CAPS2: variants seen among roughly 807,000 people sequenced by gnomAD.
The protein encoded by CAPS2 is calcyphosin-2.
A neutral mutation model predicts 86.5 loss-of-function variants in CAPS2; 98 were observed. That is an observed-to-expected ratio of 1.13 (90% confidence interval 0.96 to 1.34). The LOEUF is 1.34. CAPS2 is among the 40% of genes most tolerant of loss of function. CAPS2 has a pLI of 0.00. For synonymous variants in CAPS2, 210 were observed against 225.1 expected (o/e 0.93, Z 0.60); for missense variants, 729 against 686.8 (o/e 1.06, Z -0.69).
chr12:75,338,820 C>G (rs541298910), intron 1 of CAPS2, among the ~76,000 whole-genome samples: 27 of 137,312 alleles, frequency 2.0e-4, no homozygotes, highest in Admixed American at 1.2e-3. Context: ...TCTCATTGTT[C>G]AGCTCCCACT....
At chr12:75,326,451 A>G (rs1593559691) in exon 1 of CAPS2, 1 of 1,537,174 alleles carries the variant, frequency 6.5e-7, no homozygotes, top group Non-Finnish European at 8.8e-7. Context: ...AGAATGGCTG[A>G]ATTTGGCTCC....
At position 75,284,969 on chromosome 12, in the gene CAPS2, CAT is replaced by C; in HGVS notation, c.1505_1506del (p.Tyr502CysfsTer59). 1 of 1,600,378 alleles carries C rather than the reference CAT, an allele frequency of 6.2e-7. No individual in the cohort carries two copies. Among genetic ancestry groups the C allele is most frequent in the East Asian group, 2.3e-5 (1 of 44,194 alleles). On this transcript the variant is annotated frameshift_variant, in exon 15 of 17. Transcript: ENST00000393284. LOFTEE classifies it high-confidence loss of function. ...TTACTTAACAAAGTTACCTTTCGAA[CAT>C]ATGATTTCCTGTATTCATTCATTTC...
At chr12:75,366,771 G>T (rs992570665) in intron 1 of CAPS2, 1 of 665,234 alleles carries the variant, frequency 1.5e-6, no homozygotes, top group Non-Finnish European at 2.7e-6. Context: ...ACGCTCTTAT[G>T]TGTCTCAGTT....
chr12:75,305,469 G>C lies in CAPS2; in HGVS notation c.660-593C>G, dbSNP rs1287413362. The C allele has an allele frequency of 5.3e-6, 3 of 565,890 alleles. No individual in the cohort carries two copies. In the Admixed American group the frequency reaches 7.3e-5, roughly 14 times the overall value. 35.1% of individuals were successfully genotyped at this position (565,890 alleles called of 1,614,324 possible). A position where few individuals can be genotyped will look rare whatever the true frequency, so the allele number is the denominator to read the frequency against. ...ACCGGTTGGAACAAAGTAAGGATCT[G>C]AGCGACCCCAACTTTGCAGCCGAGG... On this transcript the variant is annotated intron_variant, in intron 7 of 16. Coordinates refer to ENST00000393284, the Ensembl canonical transcript of CAPS2.
chr12:75,278,355 T>G, exon 17 of CAPS2: 3 of 984,386 alleles, frequency 3.0e-6, no homozygotes, highest in Non-Finnish European at 3.6e-6. Context: ...ATAATCACAC[T>G]GCTTGAAAAA....
chr12:75,365,123 G>T (rs2043878882), intron 1 of CAPS2: 1 of 152,136 alleles, frequency 6.6e-6, no homozygotes, highest in African/African-American at 2.4e-5. Context: ...CCTGGGCCTA[G>T]AGGGAAGGTG....
chr12:75,299,788 T>C (rs2037502952), intron 9 of CAPS2, 49 bp downstream of exon 9: 2 of 882,364 alleles, frequency 2.3e-6, no homozygotes, highest in Admixed American at 4.7e-5. Context: ...AAAAAGAGAA[T>C]ACGTTTTTAT....
chr12:75,368,874 G>T (rs896806804), intron 1 of CAPS2, among the ~76,000 whole-genome samples: 1 of 151,632 alleles, frequency 6.6e-6, no homozygotes, highest in African/African-American at 2.4e-5. Context: ...CATCATTATG[G>T]GATATTTGGG....
intron 11 of CAPS2, among the ~76,000 whole-genome samples, chr12:75,296,504 G>A (rs2036911068): frequency 6.6e-6 from 1 of 152,154 alleles, no homozygotes; most frequent in African/African-American, 2.4e-5. Context: ...GTGTTAGCCA[G>A]GATGGTCTCA....
intron 1 of CAPS2, among the ~76,000 whole-genome samples, chr12:75,341,121 A>C (rs2042075159): frequency 6.6e-6 from 1 of 151,980 alleles, no homozygotes; most frequent in South Asian, 2.1e-4. Context: ...CTTTTTTCCT[A>C]GAAAAAGGAA....
At chr12:75,322,248 C>A (rs1298074444) in intron 4 of CAPS2, among the ~76,000 whole-genome samples, 1 of 151,986 alleles carries the variant, frequency 6.6e-6, no homozygotes, top group Non-Finnish European at 1.5e-5. Context: ...CATTTCCATG[C>A]GAGTGAGAGA....
intron 1 of CAPS2, chr12:75,370,258 C>T (rs549079556): frequency 2.1e-5 from 16 of 749,358 alleles, no homozygotes; most frequent in Middle Eastern, 2.7e-4. Flanking sequence ...CATCACTTTG[C>T]TTCTTTACTG....
At chr12:75,384,651 A>G (rs2045187860) in intron 1 of CAPS2, among the ~76,000 whole-genome samples, 1 of 152,218 alleles carries the variant, frequency 6.6e-6, no homozygotes, top group African/African-American at 2.4e-5. Context: ...AACTCATTCT[A>G]TGAGGCCAGC....
chr12:75,321,303 T>C, intron 5 of CAPS2, 97 bp downstream of exon 5: 1 of 739,490 alleles, frequency 1.4e-6, no homozygotes, highest in Non-Finnish European at 2.2e-6. Flanking sequence ...ATACTTATTA[T>C]GACTAATAGC....
intron 16 of CAPS2, among the ~76,000 whole-genome samples, chr12:75,279,491 AC>A (rs1183782460): frequency 6.6e-6 from 1 of 152,040 alleles, no homozygotes. Flanking sequence ...GCTTTAAATA[AC>A]AGGCTTAGAT....
At chr12:75,294,520 G>C (rs934408116) in intron 11 of CAPS2, among the ~76,000 whole-genome samples, 1 of 152,172 alleles carries the variant, frequency 6.6e-6, no homozygotes, top group Non-Finnish European at 1.5e-5. Flanking sequence ...CAGTTTCTGT[G>C]AGAGGGTGGG....
chr12:75,364,443 C>A (rs971071513), intron 1 of CAPS2, among the ~76,000 whole-genome samples: 2 of 152,220 alleles, frequency 1.3e-5, no homozygotes, highest in Non-Finnish European at 2.9e-5. Context: ...TGGCTGCCTG[C>A]CCCAGGTTCA....
At chr12:75,377,639 C>T (rs1485984767) in intron 1 of CAPS2, among the ~76,000 whole-genome samples, 6 of 152,090 alleles carry the variant, frequency 3.9e-5, no homozygotes, top group Non-Finnish European at 8.8e-5. Context: ...TCGGCTCATT[C>T]CACCTTCTCC....
intron 1 of CAPS2, among the ~76,000 whole-genome samples, chr12:75,390,614 A>G (rs1203650081): frequency 6.6e-6 from 1 of 152,246 alleles, no homozygotes; most frequent in African/African-American, 2.4e-5. Flanking sequence ...CCAAATTTCC[A>G]ACTCAACAGG....
Sources: allele counts gnomAD v4.1 joint callset (sites outside exome capture counted in the v4.1 genomes callset), GRCh38; gene constraint gnomAD v4.1.1; transcripts MANE v1.5; gene names NCBI Gene and HGNC (gene_info 2026-07-23, HGNC 2026-07-21).